PACS1: variants seen among roughly 807,000 people sequenced by gnomAD.
PACS1 encodes PACS-1.
PACS1 carries 24 observed loss-of-function variants against 115.0 expected under a neutral mutation model. The ratio of observed to expected loss-of-function variants is 0.21; its 90% CI spans 0.15 to 0.29. The LOEUF is 0.29. PACS1 is among the 10% of genes least tolerant of loss of function. The pLI is 1.00. For synonymous variants in PACS1, 453 were observed against 504.5 expected, an observed-to-expected ratio of 0.90 and a Z score of 1.37; for missense variants, 838 against 1,251.2, an observed-to-expected ratio of 0.67 and a Z score of 4.98.
chr11:66,220,888 T>C, intron 9 of PACS1, 97 bp downstream of exon 9: 5 of 1,325,238 alleles, frequency 3.8e-6, no homozygotes, highest in Admixed American at 2.2e-5. Context: ...TACCAGAGAA[T>C]CTTGGTCCTT....
chr11:66,214,482 T>C (rs1855151001), intron 4 of PACS1, among the ~76,000 whole-genome samples: 1 of 152,002 alleles, frequency 6.6e-6, no homozygotes, highest in Admixed American at 6.6e-5. Context: ...AGCAACCATT[T>C]CTTTCCTTCC....
At position 66,220,636 on chromosome 11, in the gene PACS1, C is replaced by G. The variant is rs1487473689; in HGVS notation, c.1044C>G (p.Gly348=). 4 of 1,614,008 alleles carry G rather than the reference C, an allele frequency of 2.5e-6. No homozygotes were observed. Among genetic ancestry groups the G allele is most frequent in the Middle Eastern group, 1.6e-4 (1 of 6,084 alleles). ...AGACTCCTTTTTCCCTGCAGGTGGG[C>G]TTTGGGCTGGAGCATGTGTCCCGCG... is the stretch of plus-strand genomic sequence containing the variant. ...LKRFKVSDEV[G]FGLEHVSREQ... Residue 348 remains glycine (G), a synonymous_variant, in exon 9 of 24, where the codon GGC becomes GGG. Transcript: ENST00000320580.
intron 1 of PACS1, among the ~76,000 whole-genome samples, chr11:66,088,598 C>T (rs994595957): frequency 2.6e-5 from 4 of 152,130 alleles, no homozygotes; most frequent in African/African-American, 7.2e-5. Context: ...TGTTCTGTAC[C>T]ATCGGTCAGT....
At chr11:66,217,309 CA>C (rs1394689484) in intron 7 of PACS1, 8 of 314,614 alleles carry the variant, frequency 2.5e-5, no homozygotes, top group Non-Finnish European at 5.0e-5. Flanking sequence ...ACTTTTCCTC[CA>C]TAAGACTTCC....
At position 66,070,880 on chromosome 11, in the gene PACS1, G is replaced by C; in HGVS notation, c.356+38G>C. On this transcript the variant is annotated intron_variant, in intron 1 of 23. Transcript: ENST00000320580. This position sits in a 1 kb window ranked among gnomAD's most constrained non-coding sequence, Gnocchi z 5.9. The stretch of plus-strand genomic sequence containing the variant: ...GGGTGCGGCGGGGCGCCGGGGGAGC[G>C]GGGTGGCCGCCGGGGCCCAGCCCTC... 1 of 1,404,066 alleles carries C rather than the reference G, an allele frequency of 7.1e-7. No homozygotes were observed. The allele number at this position is 1,404,066 out of a possible 1,614,324, so 87.0% of individuals were successfully genotyped here.
At chr11:66,126,657 G>C (rs1343860418) in intron 1 of PACS1, among the ~76,000 whole-genome samples, 4 of 133,524 alleles carry the variant, frequency 3.0e-5, no homozygotes, top group Non-Finnish European at 4.7e-5. Flanking sequence ...TTTGAGAATT[G>C]TTAATTTAAT....
At chr11:66,212,359 C>T (rs1222149761) in intron 4 of PACS1, among the ~76,000 whole-genome samples, 1 of 151,468 alleles carries the variant, frequency 6.6e-6, no homozygotes, top group African/African-American at 2.4e-5. Context: ...GTCTCATTCT[C>T]CTGACCTTGT....
At chr11:66,148,145 TA>T (rs925350177) in intron 1 of PACS1, among the ~76,000 whole-genome samples, 22 of 152,152 alleles carry the variant, frequency 1.4e-4, no homozygotes, top group African/African-American at 5.3e-4. Flanking sequence ...ATGTACTTTT[TA>T]AAAATTAATT....
At chr11:66,075,898 C>T (rs1391857908) in intron 1 of PACS1, among the ~76,000 whole-genome samples, 1 of 152,080 alleles carries the variant, frequency 6.6e-6, no homozygotes, top group South Asian at 2.1e-4. Flanking sequence ...CCACCACGCC[C>T]AGCTAATTTT....
intron 1 of PACS1, among the ~76,000 whole-genome samples, chr11:66,098,147 A>G (rs1200623944): frequency 6.6e-6 from 1 of 152,252 alleles, no homozygotes; most frequent in Non-Finnish European, 1.5e-5. Context: ...ACCACACTCC[A>G]GCTTGGGCTA....
chr11:66,165,865 G>T (rs1859588559), intron 1 of PACS1, among the ~76,000 whole-genome samples: 1 of 152,112 alleles, frequency 6.6e-6, no homozygotes, highest in Non-Finnish European at 1.5e-5. Flanking sequence ...AGTTCTATCA[G>T]TGTTCCTGAG....
rs750379635 is a variant in PACS1, at chr11:66,216,272, C to G, written c.805+9C>G. 2 of 1,613,836 alleles carry G rather than the reference C, an allele frequency of 1.2e-6. No homozygotes were observed. The highest frequency in any genetic ancestry group is 1.3e-5 in the African/African-American group (1 of 75,058). On this transcript the variant is annotated intron_variant, in intron 5 of 23. Transcript: ENST00000320580. The stretch of plus-strand genomic sequence containing the variant: ...CAAATCCAAGCTTTCTGGTAAGAAG[C>G]ATGCAGCATCTGGAGACCCTACGAA...
intron 1 of PACS1, among the ~76,000 whole-genome samples, chr11:66,173,425 C>T (rs1436576143): frequency 6.6e-6 from 1 of 152,036 alleles, no homozygotes; most frequent in Non-Finnish European, 1.5e-5. Context: ...ACCTAACACT[C>T]AGCCGGGCGC....
intron 2 of PACS1, among the ~76,000 whole-genome samples, chr11:66,202,668 C>A (rs564501448): frequency 7.0e-6 from 1 of 142,158 alleles, no homozygotes; most frequent in Non-Finnish European, 1.5e-5. Flanking sequence ...GTAGATGGAT[C>A]GCTTGAGGCC....
At chr11:66,228,661 G>T (rs910772588) in intron 11 of PACS1, among the ~76,000 whole-genome samples, 5 of 152,086 alleles carry the variant, frequency 3.3e-5, no homozygotes, top group African/African-American at 9.7e-5. Context: ...AAAAATGCAC[G>T]CCATAGGATT....
intron 1 of PACS1, among the ~76,000 whole-genome samples, chr11:66,181,269 T>C (rs1860005164): frequency 6.6e-6 from 1 of 151,982 alleles, no homozygotes; most frequent in East Asian, 1.9e-4. Flanking sequence ...TGGAGTGCAG[T>C]GTCGGGATCT....
intron 1 of PACS1, among the ~76,000 whole-genome samples, chr11:66,161,832 G>A (rs941481942): frequency 6.6e-6 from 1 of 152,118 alleles, no homozygotes; most frequent in Admixed American, 6.5e-5. Flanking sequence ...AGCCTCGAGA[G>A]ATTCCCTATT....
chr11:66,143,920 G>A (rs764712414), intron 1 of PACS1, among the ~76,000 whole-genome samples: 1 of 152,192 alleles, frequency 6.6e-6, no homozygotes, highest in African/African-American at 2.4e-5. Context: ...GATTACAGAG[G>A]TGAACCACTG....
At chr11:66,086,805 TG>T (rs1857577964) in intron 1 of PACS1, among the ~76,000 whole-genome samples, 1 of 151,866 alleles carries the variant, frequency 6.6e-6, no homozygotes, top group Non-Finnish European at 1.5e-5. Flanking sequence ...TTTGTAGAAA[TG>T]GGGTTTCACC....
Sources: gnomAD v4.1 joint callset for allele counts (sites outside exome capture counted in the v4.1 genomes callset) on GRCh38, gnomAD v4.1.1 for gene constraint, Gnocchi (gnomAD v3.1) non-coding constraint, MANE v1.5 for transcripts, NCBI Gene and HGNC (gene_info 2026-07-23, HGNC 2026-07-21) for gene names.